SLC38A4: variants seen among roughly 807,000 people sequenced by gnomAD.
SLC38A4 encodes the protein solute carrier family 38 member 4.
In SLC38A4, 20 loss-of-function variants were observed where a neutral mutation model predicts 63.1. That is an observed-to-expected ratio of 0.32 (90% confidence interval 0.22 to 0.46). SLC38A4 has a LOEUF of 0.46. SLC38A4 is among the 20% of genes least tolerant of loss of function. SLC38A4 has a pLI of 1.00. For missense variants in SLC38A4, 526 were observed against 663.6 expected (o/e 0.79, Z 2.28); for synonymous variants, 230 against 225.5 (o/e 1.02, Z -0.18).
At chr12:46,813,439 C>T (rs1056985073) in intron 1 of SLC38A4, among the ~76,000 whole-genome samples, 14 of 151,966 alleles carry the variant, frequency 9.2e-5, no homozygotes, top group Middle Eastern at 3.2e-3. Context: ...ATGGAGAACA[C>T]ATTGACTCTG....
At chr12:46,810,248 TA>T (rs1256918096) in intron 1 of SLC38A4, among the ~76,000 whole-genome samples, 1 of 152,002 alleles carries the variant, frequency 6.6e-6, no homozygotes, top group African/African-American at 2.4e-5. Flanking sequence ...AAATAAGTTA[TA>T]AATGGTGAAA....
upstream of SLC38A4, among the ~76,000 whole-genome samples, chr12:46,828,205 T>C (rs1939685418): frequency 6.6e-6 from 1 of 152,236 alleles, no homozygotes; most frequent in Non-Finnish European, 1.5e-5. Context: ...TTCAAAACCT[T>C]GCTCAGGTAC....
At chr12:46,819,325 T>C (rs538182385) in intron 1 of SLC38A4, among the ~76,000 whole-genome samples, 2 of 151,268 alleles carry the variant, frequency 1.3e-5, no homozygotes, top group Admixed American at 1.3e-4. Flanking sequence ...AGAGAGAATA[T>C]GAGAAATAAA....
intron 14 of SLC38A4, among the ~76,000 whole-genome samples, chr12:46,774,304 C>G (rs569843232): frequency 6.6e-6 from 1 of 152,148 alleles, no homozygotes; most frequent in African/African-American, 2.4e-5. Context: ...TTTTCCCCCT[C>G]AAATGAATGA....
intron 7 of SLC38A4, among the ~76,000 whole-genome samples, chr12:46,782,884 C>T (rs1938671886): frequency 6.7e-6 from 1 of 148,212 alleles, no homozygotes; most frequent in South Asian, 2.2e-4. Context: ...AAAGCTTATT[C>T]TCTACTCAAG....
At chr12:46,786,564 G>A (rs1172340706) in intron 5 of SLC38A4, among the ~76,000 whole-genome samples, 1 of 152,068 alleles carries the variant, frequency 6.6e-6, no homozygotes, top group Non-Finnish European at 1.5e-5. Context: ...TTAATGGTAT[G>A]TATAATTAAT....
intron 2 of SLC38A4, among the ~76,000 whole-genome samples, chr12:46,795,340 T>C (rs933219733): frequency 3.3e-5 from 5 of 152,130 alleles, no homozygotes; most frequent in African/African-American, 1.2e-4. Context: ...GTAGGTTGTT[T>C]CTAAACATGG....
At chr12:46,801,257 T>G (rs905072867) in intron 2 of SLC38A4, among the ~76,000 whole-genome samples, 2 of 152,142 alleles carry the variant, frequency 1.3e-5, no homozygotes, top group Admixed American at 1.3e-4. Context: ...AAATTCTAAT[T>G]ATTAAACATT....
At chr12:46,826,326 A>G (rs1294242108), upstream of SLC38A4, among the ~76,000 whole-genome samples, 1 of 152,208 alleles carries the variant, frequency 6.6e-6, no homozygotes, top group Non-Finnish European at 1.5e-5. Context: ...AAGGGAAGGT[A>G]GAAACAATAA....
Position 46,778,858 on chromosome 12 carries a change from T to C in SLC38A4, c.718-82A>G, listed in dbSNP as rs1434550186. 7.5e-6 allele frequency: 10 copies of C among 1,329,464 alleles called. No homozygotes were observed. In the Admixed American group the frequency reaches 1.2e-4, roughly 16 times the overall value. The allele number at this position is 1,329,464 out of a possible 1,614,324, so 82.4% of individuals were successfully genotyped here. On this transcript the variant is annotated intron_variant, in intron 10 of 16. Coordinates refer to ENST00000266579, the MANE Select transcript of SLC38A4 (RefSeq NM_018018.5). ...AATAAGAATCCATATGTGTGGCTTA[T>C]AGGGTGGGGGGTGAGGGAACTCAGT...
rs1352363438 is a variant in SLC38A4, at chr12:46,766,570, T to C, written c.*131A>G. 1 of 741,456 alleles carries C rather than the reference T, an allele frequency of 1.3e-6. No individual in the cohort carries two copies. The highest frequency in any genetic ancestry group is 2.4e-6 in the Non-Finnish European group (1 of 418,008). The allele number at this position is 741,456 out of a possible 1,614,324, so 45.9% of individuals were successfully genotyped here. On this transcript the variant is annotated 3_prime_UTR_variant, in exon 17 of 17. Transcript: ENST00000266579. The stretch of plus-strand genomic sequence containing the variant: ...CCTCTTCTGCAGGTGCCTGGTGATA[T>C]TACTGGTAAACGTCTTTGGAATCTT...
chr12:46,817,523 G>A (rs191174950), intron 1 of SLC38A4, among the ~76,000 whole-genome samples: 3 of 151,850 alleles, frequency 2.0e-5, no homozygotes, highest in Admixed American at 6.6e-5. Context: ...GCACGAAAAC[G>A]ATATCACAAG....
Position 46,780,047 on chromosome 12 carries a change from G to A in SLC38A4, c.494-17C>T, listed in dbSNP as rs2287471. 325,975 of 1,589,386 alleles carry A rather than the reference G, an allele frequency of 0.21. 34,495 individuals are homozygous for A. Among genetic ancestry groups the A allele is most frequent in the South Asian group, 0.24 (21,468 of 90,518 alleles). On this transcript the variant is annotated splice_polypyrimidine_tract_variant and intron_variant, in intron 7 of 16. Coordinates refer to ENST00000266579, the MANE Select transcript of SLC38A4 (RefSeq NM_018018.5). ...TTGACATTGCTAAAATGGAAAATGT[G>A]ACAGCTTAATGGTGTGGACAGTACT...
At chr12:46,818,004 T>C (rs1395250904) in intron 1 of SLC38A4, among the ~76,000 whole-genome samples, 1 of 151,904 alleles carries the variant, frequency 6.6e-6, no homozygotes, top group Admixed American at 6.6e-5. Flanking sequence ...AAGAGTTGAA[T>C]AGAATAAAGA....
At chr12:46,790,298 G>T (rs78364103) in intron 3 of SLC38A4, among the ~76,000 whole-genome samples, 324 of 152,148 alleles carry the variant, frequency 2.1e-3, no homozygotes, top group African/African-American at 7.4e-3. Context: ...AGAACTCAAG[G>T]CATAAATAGC....
intron 3 of SLC38A4, among the ~76,000 whole-genome samples, chr12:46,790,954 A>T (rs1448631346): frequency 9.2e-5 from 14 of 151,532 alleles, no homozygotes; most frequent in Non-Finnish European, 1.8e-4. Flanking sequence ...TCCTATGTTT[A>T]AGCCAGGAGA....
Position 46,784,589 on chromosome 12 carries a change from G to C in SLC38A4, c.446C>G (p.Pro149Arg). The C allele has an allele frequency of 1.9e-6, 3 of 1,612,628 alleles. No individual in the cohort carries two copies. The highest frequency in any genetic ancestry group is 2.5e-6 in the Non-Finnish European group (3 of 1,179,252). ...EKLGEKAFGWPGKIGAFVSIT... is the reference protein window; with the variant it reads ...EKLGEKAFGWRGKIGAFVSIT... ...GGAAACAAAAGCTCCAATTTTTCCC[G>C]GCCATCCAAATGCCTTTTCTCCTAA... Residue 149 changes from proline (P) to arginine (R), a missense_variant, in exon 7 of 17, where the codon CCG becomes CGG. Transcript: ENST00000266579.
intron 2 of SLC38A4, among the ~76,000 whole-genome samples, chr12:46,797,136 A>G (rs1348090214): frequency 1.3e-5 from 2 of 152,146 alleles, no homozygotes; most frequent in Non-Finnish European, 2.9e-5. Flanking sequence ...CCATTCTTCC[A>G]GTCCACTCCC....
chr12:46,779,925 T>C, intron 8 of SLC38A4, 24 bp downstream of exon 8: 1 of 1,610,004 alleles, frequency 6.2e-7, no homozygotes, highest in Non-Finnish European at 8.5e-7. Flanking sequence ...TCACTTGATG[T>C]CACAGAGGGA....
Sources: gnomAD v4.1 joint callset for allele counts (sites outside exome capture counted in the v4.1 genomes callset) on GRCh38, gnomAD v4.1.1 for gene constraint, MANE v1.5 for transcripts, NCBI Gene and HGNC (gene_info 2026-07-23, HGNC 2026-07-21) for gene names.